SLC25A39: variants seen among roughly 807,000 people sequenced by gnomAD.
The protein encoded by SLC25A39 is mitochondrial glutathione transporter SLC25A39.
Under a neutral mutation model 46.6 loss-of-function variants are expected in SLC25A39, and 44 were observed. The ratio of observed to expected loss-of-function variants is 0.94; its 90% confidence interval spans 0.74 to 1.21. The LOEUF (loss-of-function observed/expected upper bound fraction) is 1.21, where lower values mean the gene tolerates loss of function less well. Among genes scored for constraint, SLC25A39 ranks in the 50% most tolerant of loss-of-function variants. The pLI, the probability that SLC25A39 is intolerant of heterozygous loss-of-function variation, is 0.00. For synonymous variants in SLC25A39, 218 were observed against 190.6 expected, an observed-to-expected ratio of 1.14 and a Z score of -1.19; for missense variants, 487 against 473.0, an observed-to-expected ratio of 1.03 and a Z score of -0.28.
At chr17:44,322,219 A>C (rs962681564) in intron 5 of SLC25A39, among the ~76,000 whole-genome samples, 200 bp downstream of exon 5, 3 of 152,222 alleles carry the variant, frequency 2.0e-5, no homozygotes, top group African/African-American at 7.2e-5. Context: ...ACCGCACTCC[A>C]GCCTGGGTGA....
In SLC25A39 at chr17:44,320,292, C is replaced by T. The variant is rs139114659; in HGVS notation, c.884-16G>A. 0.018 allele frequency: 29,135 copies of T among 1,613,560 alleles called. 427 individuals are homozygous for T. Among genetic ancestry groups the T allele is most frequent in the Non-Finnish European group, 0.019 (21,851 of 1,180,006 alleles). On this transcript the variant is annotated splice_polypyrimidine_tract_variant and intron_variant, in intron 10 of 11. Transcript: ENST00000377095. ...AGGGGGTTCACTGCAAACGCGAGGC[C>T]GGCTCAGTGAGACCCCATTCAGGAC...
rs1156878442 is a variant in SLC25A39 at position 44,319,642 on chromosome 17, T to C, written c.*359A>G. The stretch of plus-strand genomic sequence containing the variant: ...GGCACCAGGCAGAAGTTCATCATCT[T>C]TAGACTTAAGGAATTAACAAGGGTC... On this transcript the variant is annotated 3_prime_UTR_variant, in exon 12 of 12. Coordinates refer to ENST00000377095, the MANE Select transcript of SLC25A39 (RefSeq NM_001143780.3). 1 of 259,964 alleles carries C rather than the reference T, an allele frequency of 3.8e-6. No individual in the cohort carries two copies. The highest frequency in any genetic ancestry group is 2.2e-5 in the African/African-American group (1 of 44,630). 16.1% of individuals were successfully genotyped at this position (259,964 alleles called of 1,614,324 possible). A position where few individuals can be genotyped will look rare whatever the true frequency, so the allele number is the denominator to read the frequency against.
intron 3 of SLC25A39, 96 bp downstream of exon 3, chr17:44,323,188 G>GC: frequency 6.9e-7 from 1 of 1,446,716 alleles, no homozygotes; most frequent in South Asian, 1.2e-5. Flanking sequence ...CTCCCAAAGC[G>GC]CTGGGATTAC....
In SLC25A39 at chr17:44,321,112, G is replaced by A. The variant is rs968789189; in HGVS notation, c.637C>T (p.Arg213Cys). 37 of 1,612,146 alleles carry A rather than the reference G, an allele frequency of 2.3e-5. No homozygotes were observed. The highest frequency in any genetic ancestry group is 1.3e-4 in the East Asian group (6 of 44,888). The change falls in exon 8 of 12, where the codon CGC (arginine) becomes TGC (cysteine). Residue 213 changes from arginine to cysteine, a missense_variant. Physicochemically the swap from Arg to Cys is radical, Grantham distance 180 (BLOSUM62 -3). Transcript: ENST00000377095. ...VRTAVAQGGW[R>C]SLWLGWGPTA... ...GGGCCCCAGCCCAGCCACAGTGAGC[G>A]CCAGCCACCCTGAGCCACTGCAGTT... is the stretch of plus-strand genomic sequence containing the variant.
chr17:44,323,165 C>T, intron 3 of SLC25A39, 119 bp downstream of exon 3: 2 of 1,225,072 alleles, frequency 1.6e-6, no homozygotes, highest in Non-Finnish European at 2.4e-6. Flanking sequence ...TCAGGTGATC[C>T]ACCCACCTCA....
Position 44,320,237 on chromosome 17 carries a change from C to CGCA in SLC25A39, c.920_922dup (p.Leu307dup). On this transcript the variant is annotated inframe_insertion, in exon 11 of 12. Coordinates refer to ENST00000377095, the MANE Select transcript of SLC25A39 (RefSeq NM_001143780.3). ...GGTGCCCGACTCGGCCCGGATCCTCCGCAGCAGCAGCCAGGTGGAGTCCAC... is the reference window on the plus strand; with the variant it reads ...GGTGCCCGACTCGGCCCGGATCCTCCGCAGCAGCAGCAGCCAGGTGGAGTCCAC... 5 of 1,613,896 alleles carry CGCA rather than the reference C, an allele frequency of 3.1e-6. No homozygotes were observed. Among genetic ancestry groups the CGCA allele is most frequent in the Non-Finnish European group, 4.2e-6 (5 of 1,180,024 alleles).
At position 44,321,047 on chromosome 17, in the gene SLC25A39, T is replaced by G; in HGVS notation, c.691+11A>C. 1.9e-6 allele frequency: 3 copies of G among 1,577,084 alleles called. No individual in the cohort carries two copies. In the South Asian group the frequency reaches 3.5e-5, roughly 18 times the overall value. On this transcript the variant is annotated intron_variant, in intron 8 of 11. Transcript: ENST00000377095. ...GTTCCCTCACCCACCCCCTGCAGCTTGGGTGCCTACCTGAGAAGGGCACAT... is the reference window on the plus strand; with the variant it reads ...GTTCCCTCACCCACCCCCTGCAGCTGGGGTGCCTACCTGAGAAGGGCACAT...
chr17:44,321,436 C>A lies in SLC25A39; in HGVS notation c.515G>T (p.Arg172Leu). 4 of 1,613,660 alleles carry A rather than the reference C, an allele frequency of 2.5e-6. No homozygotes were observed. Among genetic ancestry groups the A allele is most frequent in the Non-Finnish European group, 3.4e-6 (4 of 1,179,904 alleles). ...CAAAGGCCCAAGACTATGCTCACGGCGGGCCAGCGCGCCAGCCACCATGGG... is the reference window on the plus strand; with the variant it reads ...CAAAGGCCCAAGACTATGCTCACGGAGGGCCAGCGCGCCAGCCACCATGGG... ...YAPMVAGALA[R>L]LGTVTVISPL... The change falls in exon 7 of 12, where the codon CGC (arginine) becomes CTC (leucine). Residue 172 changes from arginine to leucine, a missense_variant and splice_region_variant. Arg to Leu is a moderately radical substitution (Grantham distance 102). Transcript: ENST00000377095.
chr17:44,323,300 C>A lies in SLC25A39; in HGVS notation c.129G>T (p.Arg43=). The change falls in exon 3 of 12, where the codon CGG becomes CGT. Residue 43 remains arginine (R), a synonymous_variant. Transcript: ENST00000377095. ...GGTACTCACCGCTGGCCATGGAGGG[C>A]CGCTGAGACTGCAGGCGAACCTTCA... The part of the protein sequence containing the change: ...DVVKVRLQSQ[R]PSMASELMPS... 1 of 1,613,652 alleles carries A rather than the reference C, an allele frequency of 6.2e-7. No individual in the cohort carries two copies. Among genetic ancestry groups the A allele is most frequent in the East Asian group, 2.2e-5 (1 of 44,890 alleles).
At chr17:44,323,439 A>AGGCCCCCCCCCCC in intron 2 of SLC25A39, 39 bp downstream of exon 2, 2 of 257,106 alleles carry the variant, frequency 7.8e-6, no homozygotes, top group South Asian at 5.2e-5. Context: ...GGTCTGCCCC[A>AGGCCCCCCCCCCC]TCCCCACCCG....
chr17:44,323,438 C>CAG, intron 2 of SLC25A39, 40 bp downstream of exon 2: 5 of 1,257,698 alleles, frequency 4.0e-6, no homozygotes, highest in African/African-American at 1.6e-5. Context: ...CGGTCTGCCC[C>CAG]ATCCCCACCC....
chr17:44,321,289 A>G, intron 7 of SLC25A39, 58 bp from the exon 8 acceptor site: 1 of 1,580,568 alleles, frequency 6.3e-7, no homozygotes, highest in South Asian at 1.2e-5. Context: ...CTTACATGGC[A>G]TCACCTACCT....
intron 8 of SLC25A39, 95 bp downstream of exon 8, chr17:44,320,963 C>T (rs959182156): frequency 5.7e-6 from 8 of 1,397,344 alleles, no homozygotes; most frequent in East Asian, 4.8e-5. Context: ...TAAGTAACTT[C>T]ATGGTCACTA....
intron 7 of SLC25A39, 101 bp from the exon 8 acceptor site, chr17:44,321,332 C>T (rs921094053): frequency 6.9e-6 from 11 of 1,591,988 alleles, no homozygotes; most frequent in Non-Finnish European, 8.6e-6. Context: ...AGAACACCCC[C>T]CTATCCCTAG....
At chr17:44,323,769 G>C in intron 1 of SLC25A39, 192 bp from the exon 2 acceptor site, 1 of 585,678 alleles carries the variant, frequency 1.7e-6, no homozygotes, top group Non-Finnish European at 3.0e-6. Flanking sequence ...AGCCTCCCAA[G>C]TAGCTGGGAC....
In SLC25A39 at chr17:44,322,926, T is replaced by A. The variant is rs2048099512; in HGVS notation, c.146-74A>T. The A allele has an allele frequency of 2.6e-6, 4 of 1,511,950 alleles. No individual in the cohort carries two copies. In the East Asian group the frequency reaches 9.1e-5, roughly 34 times the overall value. The allele number at this position is 1,511,950 out of a possible 1,614,324, so 93.7% of individuals were successfully genotyped here. ...AGGGACCCCATCTCTGGGAGATCTT[T>A]TTATTTTATTTTTTGAGATGGAGTC... On this transcript the variant is annotated intron_variant, in intron 3 of 11. Coordinates refer to ENST00000377095, the MANE Select transcript of SLC25A39 (RefSeq NM_001143780.3).
At position 44,320,055 on chromosome 17, in the gene SLC25A39, C is replaced by T. The variant is rs1041454357; in HGVS notation, c.1026G>A (p.Glu342=). 12 of 1,613,962 alleles carry T rather than the reference C, an allele frequency of 7.4e-6. No individual in the cohort carries two copies. Among genetic ancestry groups the T allele is most frequent in the African/African-American group, 1.3e-5 (1 of 74,904 alleles). The change falls in exon 12 of 12, where the codon GAG becomes GAA. Residue 342 remains glutamate, a synonymous_variant. Transcript: ENST00000377095. ...GCCTCTGGAAGAAGCTTTTGCCGAA[C>T]TCATAGGTGCTGATCATGATGGCAC... ...PSCAIMISTY[E]FGKSFFQRLN... is the part of the protein sequence containing the mutation.
chr17:44,322,173 C>A (rs1270646506), intron 5 of SLC25A39, among the ~76,000 whole-genome samples: 1 of 152,158 alleles, frequency 6.6e-6, no homozygotes, highest in African/African-American at 2.4e-5. Flanking sequence ...CACTTGAACC[C>A]AGGAGACAGA....
At position 44,320,352 on chromosome 17, in the gene SLC25A39, C is replaced by T. The variant is rs1371978153; in HGVS notation, c.883+3G>A. ...CCCCTGCCACGGCAATCTGGGCCCTCACCTCTCACAGCCTCCATCGCTCCC... is the reference window on the plus strand; with the variant it reads ...CCCCTGCCACGGCAATCTGGGCCCTTACCTCTCACAGCCTCCATCGCTCCC... On this transcript the variant is annotated splice_donor_region_variant and intron_variant, in intron 10 of 11. Transcript: ENST00000377095. The T allele has an allele frequency of 1.9e-6, 3 of 1,613,578 alleles. No individual in the cohort carries two copies. In the South Asian group the frequency reaches 3.3e-5, roughly 18 times the overall value.
Sources: allele counts gnomAD v4.1 joint callset (sites outside exome capture counted in the v4.1 genomes callset), GRCh38; gene constraint gnomAD v4.1.1; transcripts MANE v1.5; gene names NCBI Gene and HGNC (gene_info 2026-07-23, HGNC 2026-07-21).